Variants in FAAH2 observed in about 807,000 individuals in gnomAD.
FAAH2 encodes fatty-acid amide hydrolase 2.
A neutral mutation model predicts 36.9 loss-of-function variants in FAAH2; 60 were observed. The ratio of observed to expected loss-of-function variants is 1.63; its 90% CI spans 1.32 to 2.02. The LOEUF (loss-of-function observed/expected upper bound fraction) is 2.02. Among genes scored for constraint, FAAH2 ranks in the 30% most tolerant of loss-of-function variants. The pLI, the probability that FAAH2 is intolerant of heterozygous loss-of-function variation, is 0.00. For synonymous variants in FAAH2, 214 were observed against 143.8 expected (o/e 1.49, Z -3.49); for missense variants, 689 against 397.5 (o/e 1.73, Z -6.23).
At chrX:57,333,792 A>G (rs2053470629) in intron 4 of FAAH2, among the ~76,000 whole-genome samples, 1 of 111,731 alleles carries the variant, frequency 9.0e-6, no homozygotes, top group Non-Finnish European at 1.9e-5. Flanking sequence ...AAATGCATAT[A>G]ATACACATAT....
At chrX:57,225,143 G>A in the FAAH2 span, among the ~76,000 whole-genome samples, 1 of 109,976 alleles carries the variant, frequency 9.1e-6, no homozygotes, top group Non-Finnish European at 1.9e-5. Context: ...ATTTCATGCA[G>A]TTCTTCTCTG....
the FAAH2 span, among the ~76,000 whole-genome samples, chrX:57,174,115 A>T: frequency 1.8e-5 from 2 of 111,226 alleles, no homozygotes; most frequent in Non-Finnish European, 3.8e-5. Context: ...GATTCTTCTC[A>T]ATCTTTTGGA....
chrX:57,289,044 C>T (rs778435963), intron 1 of FAAH2, among the ~76,000 whole-genome samples: 1 of 112,117 alleles, frequency 8.9e-6, no homozygotes, highest in East Asian at 2.8e-4. Flanking sequence ...CCATGTGCCA[C>T]TTGATAAGGC....
At chrX:57,385,833 G>A (rs760191195) in intron 7 of FAAH2, among the ~76,000 whole-genome samples, 458 of 109,338 alleles carry the variant, frequency 4.2e-3, no homozygotes, top group Non-Finnish European at 7.7e-3. Flanking sequence ...GCGTCAACCC[G>A]GGAGGCGGAG....
the FAAH2 span, among the ~76,000 whole-genome samples, chrX:57,124,976 C>T: frequency 2.7e-5 from 3 of 112,236 alleles, no homozygotes; most frequent in East Asian, 8.4e-4. Flanking sequence ...TTCCTCTTTT[C>T]CTAATTGAAT....
chrX:57,373,189 C>T (rs1378059242), intron 5 of FAAH2, among the ~76,000 whole-genome samples: 2 of 111,268 alleles, frequency 1.8e-5, no homozygotes, highest in African/African-American at 3.3e-5. Context: ...CTGCTATAAA[C>T]GTGTGTGCAA....
At chrX:57,195,126 C>A in the FAAH2 span, among the ~76,000 whole-genome samples, 1 of 111,639 alleles carries the variant, frequency 9.0e-6, no homozygotes, top group Admixed American at 9.5e-5. Context: ...GGTAGATACC[C>A]AGTACTGAGA....
the FAAH2 span, among the ~76,000 whole-genome samples, chrX:57,125,089 C>G: frequency 1.8e-5 from 2 of 112,668 alleles, no homozygotes; most frequent in Admixed American, 9.3e-5. Flanking sequence ...TGCCAGTTTT[C>G]AACGGGAATG....
chrX:57,460,251 A>G (rs2056934485), intron 10 of FAAH2, among the ~76,000 whole-genome samples: 1 of 111,812 alleles, frequency 8.9e-6, no homozygotes, highest in African/African-American at 3.3e-5. Flanking sequence ...ATTACCCAGG[A>G]AAACTTCCCC....
At chrX:57,283,647 C>G (rs978803898), upstream of FAAH2, among the ~76,000 whole-genome samples, 4 of 87,204 alleles carry the variant, frequency 4.6e-5, no homozygotes, top group Non-Finnish European at 9.8e-5. Context: ...GGCTTGGGGC[C>G]CTGCTTGGTG....
At chrX:57,425,025 G>A (rs909391700) in intron 7 of FAAH2, among the ~76,000 whole-genome samples, 1 of 90,822 alleles carries the variant, frequency 1.1e-5, no homozygotes, top group Non-Finnish European at 2.4e-5. Flanking sequence ...TTACCAAAAA[G>A]ATAGATATTA....
the FAAH2 span, among the ~76,000 whole-genome samples, chrX:57,193,350 C>A: frequency 8.9e-6 from 1 of 111,922 alleles, no homozygotes. Flanking sequence ...CAAACCCTGT[C>A]TCCTGATAAG....
intron 8 of FAAH2, among the ~76,000 whole-genome samples, chrX:57,440,482 C>G (rs1160481453): frequency 2.7e-5 from 3 of 111,732 alleles, no homozygotes; most frequent in Non-Finnish European, 5.6e-5. Context: ...AGTTGCTTAT[C>G]AGCTTAAGGA....
At chrX:57,236,814 G>A in the FAAH2 span, among the ~76,000 whole-genome samples, 1 of 111,005 alleles carries the variant, frequency 9.0e-6, no homozygotes, top group Non-Finnish European at 1.9e-5. Context: ...TTGCCTCTTT[G>A]CTCTGTTCAT....
intron 2 of FAAH2, among the ~76,000 whole-genome samples, chrX:57,294,684 C>G (rs1006179959): frequency 8.9e-6 from 1 of 111,845 alleles, no homozygotes; most frequent in African/African-American, 3.3e-5. Context: ...CATGTTATTA[C>G]TTTTGCCTGG....
chrX:57,225,469 C>A, the FAAH2 span, among the ~76,000 whole-genome samples: 8 of 111,722 alleles, frequency 7.2e-5, no homozygotes, highest in Non-Finnish European at 1.1e-4. Flanking sequence ...TTTTGGAGTT[C>A]ATTTCCAGTT....
the FAAH2 span, among the ~76,000 whole-genome samples, chrX:57,142,165 A>G: frequency 9.0e-6 from 1 of 111,059 alleles, no homozygotes; most frequent in Non-Finnish European, 1.9e-5. Context: ...ATTTGTTCTT[A>G]ATTTTCTACT....
intron 10 of FAAH2, among the ~76,000 whole-genome samples, chrX:57,452,727 G>A (rs1481999414): frequency 8.9e-6 from 1 of 111,864 alleles, no homozygotes; most frequent in Non-Finnish European, 1.9e-5. Flanking sequence ...TCTCTCTCAA[G>A]CAAACCAGCA....
At chrX:57,424,037 C>A (rs989171602) in intron 7 of FAAH2, among the ~76,000 whole-genome samples, 1 of 111,748 alleles carries the variant, frequency 8.9e-6, no homozygotes, top group African/African-American at 3.3e-5. Flanking sequence ...CTGCTGCCTT[C>A]ATTGCCCACA....
Sources: allele counts gnomAD v4.1 joint callset (sites outside exome capture counted in the v4.1 genomes callset), GRCh38; gene constraint gnomAD v4.1.1; transcripts MANE v1.5; gene names NCBI Gene and HGNC (gene_info 2026-07-23, HGNC 2026-07-21).